Variants in NAV3 observed in about 807,000 individuals in gnomAD.
NAV3 encodes pore membrane and/or filament interacting like protein 1.
In NAV3, 87 loss-of-function variants were observed where a neutral mutation model predicts 244.7. The observed-to-expected ratio is 0.36, with a 90% CI of 0.30 to 0.42. The LOEUF is 0.42. NAV3 is among the 20% of genes least tolerant of loss of function. The probability of loss-of-function intolerance (pLI) is 1.00; values close to 1 mark genes in which losing one functional copy is unlikely to be tolerated. For missense variants in NAV3, 2,663 were observed against 2,893.3 expected, an observed-to-expected ratio of 0.92 and a Z score of 1.83; for synonymous variants, 1,126 against 1,042.2, an observed-to-expected ratio of 1.08 and a Z score of -1.55.
chr12:77,795,613 A>C (rs2135955455), intron 2 of NAV3, among the ~76,000 whole-genome samples: 1 of 152,304 alleles, frequency 6.6e-6, no homozygotes, highest in South Asian at 2.1e-4. Flanking sequence ...ACATTGAAAT[A>C]GTCTTATATG....
intron 1 of NAV3, among the ~76,000 whole-genome samples, chr12:77,854,763 A>G (rs1878114759): frequency 6.6e-6 from 1 of 152,186 alleles, no homozygotes; most frequent in Non-Finnish European, 1.5e-5. Flanking sequence ...TTCTAAATCT[A>G]CAAATGAGAT....
chr12:77,629,279 CTAAT>C (rs1437131699), intron 2 of NAV3, among the ~76,000 whole-genome samples: 3 of 152,166 alleles, frequency 2.0e-5, no homozygotes, highest in African/African-American at 4.8e-5. Flanking sequence ...TGATTTATCT[CTAAT>C]TATAAATTTT....
intron 2 of NAV3, among the ~76,000 whole-genome samples, chr12:77,821,968 A>G (rs557934775): frequency 6.6e-6 from 1 of 152,146 alleles, no homozygotes; most frequent in Non-Finnish European, 1.5e-5. Context: ...ATCTGGCAAG[A>G]ATATCCAATG....
chr12:78,179,103 T>C (rs765441977), intron 28 of NAV3, among the ~76,000 whole-genome samples: 2 of 152,136 alleles, frequency 1.3e-5, no homozygotes, highest in African/African-American at 2.4e-5. Flanking sequence ...TGCACAATTT[T>C]ACAAAAGAAG....
chr12:77,896,509 G>GA (rs1884646980), intron 1 of NAV3, among the ~76,000 whole-genome samples: 1 of 152,114 alleles, frequency 6.6e-6, no homozygotes, highest in Admixed American at 6.5e-5. Context: ...AATTGATGTG[G>GA]AAAAAAGTAT....
chr12:78,092,636 A>G (rs1954017721), intron 12 of NAV3, among the ~76,000 whole-genome samples: 1 of 150,524 alleles, frequency 6.6e-6, no homozygotes, highest in Non-Finnish European at 1.5e-5. Context: ...AGTAGCTGGG[A>G]CTACAGGCGC....
At chr12:77,632,765 T>C (rs1434472005) in intron 2 of NAV3, among the ~76,000 whole-genome samples, 1 of 152,226 alleles carries the variant, frequency 6.6e-6, no homozygotes, top group Non-Finnish European at 1.5e-5. Context: ...ACACCAATTT[T>C]TGTCTTTTTT....
chr12:77,579,268 C>T (rs181354161), intron 2 of NAV3, among the ~76,000 whole-genome samples: 58 of 152,296 alleles, frequency 3.8e-4, no homozygotes, highest in Non-Finnish European at 6.9e-4. Flanking sequence ...CAGAGCTTGC[C>T]CAAAGATGGG....
At chr12:78,035,779 AT>A (rs1466732624) in intron 9 of NAV3, among the ~76,000 whole-genome samples, 1 of 152,002 alleles carries the variant, frequency 6.6e-6, no homozygotes, top group Non-Finnish European at 1.5e-5. Context: ...TCACATTAGG[AT>A]TTTAGGATTC....
chr12:77,640,446 G>T (rs1379213741), intron 2 of NAV3, among the ~76,000 whole-genome samples: 1 of 151,996 alleles, frequency 6.6e-6, no homozygotes, highest in East Asian at 1.9e-4. Flanking sequence ...CCCATCCCTG[G>T]TAACCATCAT....
intron 5 of NAV3, among the ~76,000 whole-genome samples, chr12:77,978,535 A>G (rs969961948): frequency 6.6e-5 from 10 of 152,046 alleles, no homozygotes; most frequent in Non-Finnish European, 1.0e-4. Context: ...CTTTTCTACT[A>G]AAGACTAACA....
intron 2 of NAV3, among the ~76,000 whole-genome samples, chr12:77,603,439 T>C (rs1870529518): frequency 6.6e-6 from 1 of 150,884 alleles, no homozygotes; most frequent in South Asian, 2.1e-4. Context: ...GTAAGTGAAG[T>C]CAGAAAATGT....
At chr12:77,978,896 A>G (rs966081765) in intron 5 of NAV3, among the ~76,000 whole-genome samples, 76 of 152,156 alleles carry the variant, frequency 5.0e-4, no homozygotes, top group African/African-American at 1.8e-3. Context: ...AATATGGAGT[A>G]AAATTACATC....
At chr12:77,849,467 A>T (rs372426121) in intron 1 of NAV3, among the ~76,000 whole-genome samples, 1 of 152,164 alleles carries the variant, frequency 6.6e-6, no homozygotes, top group African/African-American at 2.4e-5. Flanking sequence ...TGCCAACATG[A>T]CACCACACAT....
chr12:77,728,666 C>T (rs770344454), intron 2 of NAV3, among the ~76,000 whole-genome samples: 1 of 151,792 alleles, frequency 6.6e-6, no homozygotes, highest in African/African-American at 2.4e-5. Flanking sequence ...ATCATTTAGG[C>T]AGTAATAGTT....
At chr12:77,595,439 G>C (rs1463264386) in intron 2 of NAV3, among the ~76,000 whole-genome samples, 2 of 152,020 alleles carry the variant, frequency 1.3e-5, no homozygotes, top group Non-Finnish European at 2.9e-5. Flanking sequence ...GAAGTTATCT[G>C]GAATGAGTAA....
intron 9 of NAV3, among the ~76,000 whole-genome samples, chr12:78,030,582 G>A (rs540496972): frequency 6.6e-6 from 1 of 152,280 alleles, no homozygotes; most frequent in Admixed American, 6.5e-5. Context: ...TTGTTGTGAG[G>A]TATGGTATTA....
At chr12:77,779,972 G>A (rs112488384) in intron 2 of NAV3, among the ~76,000 whole-genome samples, 4 of 152,178 alleles carry the variant, frequency 2.6e-5, no homozygotes, top group Non-Finnish European at 5.9e-5. Flanking sequence ...CGACATGCCC[G>A]CTTGCTTCTC....
At chr12:77,755,583 C>CTT (rs770337739) in intron 2 of NAV3, among the ~76,000 whole-genome samples, 158 of 25,062 alleles carry the variant, frequency 6.3e-3, no homozygotes, top group African/African-American at 8.0e-3. Flanking sequence ...CTTTCCTTTC[C>CTT]TCCCTCCCTC....
Sources: gnomAD v4.1 joint callset for allele counts (sites outside exome capture counted in the v4.1 genomes callset) on GRCh38, gnomAD v4.1.1 for gene constraint, MANE v1.5 for transcripts, NCBI Gene and HGNC (gene_info 2026-07-23, HGNC 2026-07-21) for gene names.